The following DLG2 variants were observed in gnomAD, a reference collection of about 807,000 sequenced individuals.
DLG2 encodes the protein discs large MAGUK scaffold protein 2, also known as disks large homolog 2.
DLG2 carries 45 observed loss-of-function variants against 132.5 expected under a neutral mutation model. The observed-to-expected ratio is 0.34, with a 90% CI of 0.27 to 0.44. The LOEUF (loss-of-function observed/expected upper bound fraction) is 0.44. DLG2 is among the 20% of genes least tolerant of loss of function. The probability of loss-of-function intolerance (pLI) is 1.00; values close to 1 mark genes in which losing one functional copy is unlikely to be tolerated. For missense variants in DLG2, 1,045 were observed against 1,196.9 expected (o/e 0.87, Z 1.87); for synonymous variants, 424 against 419.6 (o/e 1.01, Z -0.13).
At chr11:83,518,965 A>AGAG (rs2095391987) in intron 21 of DLG2, among the ~76,000 whole-genome samples, 1 of 152,218 alleles carries the variant, frequency 6.6e-6, no homozygotes, top group African/African-American at 2.4e-5. Flanking sequence ...CAGTGCCAAG[A>AGAG]GAGTACAGCT....
At chr11:83,965,546 G>A in intron 12 of DLG2, 78 bp from the exon 13 acceptor site, 1 of 1,190,052 alleles carries the variant, frequency 8.4e-7, no homozygotes, top group South Asian at 1.5e-5. Context: ...AAGATACCTG[G>A]AATTATAAAT....
chr11:85,172,463 TC>T (rs1350826456), intron 4 of DLG2, among the ~76,000 whole-genome samples: 4 of 151,946 alleles, frequency 2.6e-5, no homozygotes, highest in Admixed American at 2.6e-4. Context: ...CATTCAAAGG[TC>T]AGCAACCTCA....
At chr11:83,714,149 C>A (rs1308306659) in intron 18 of DLG2, among the ~76,000 whole-genome samples, 1 of 151,036 alleles carries the variant, frequency 6.6e-6, no homozygotes, top group Admixed American at 6.7e-5. Context: ...ATAGAAACTA[C>A]AAATGTAACT....
At chr11:84,731,821 G>A (rs1293835252) in intron 6 of DLG2, among the ~76,000 whole-genome samples, 1 of 151,922 alleles carries the variant, frequency 6.6e-6, no homozygotes, top group Non-Finnish European at 1.5e-5. Context: ...ATTTAAATCT[G>A]GTAATTTTCA....
At chr11:84,839,993 A>G (rs776097589) in intron 6 of DLG2, among the ~76,000 whole-genome samples, 1 of 152,164 alleles carries the variant, frequency 6.6e-6, no homozygotes, top group Non-Finnish European at 1.5e-5. Flanking sequence ...GACAGATGAG[A>G]TCCAATTAAA....
At chr11:84,334,929 G>C (rs564648040) in intron 7 of DLG2, among the ~76,000 whole-genome samples, 4 of 151,930 alleles carry the variant, frequency 2.6e-5, no homozygotes, top group African/African-American at 7.2e-5. Flanking sequence ...AGATCAACTT[G>C]GCAAATAAAA....
chr11:85,087,377 TA>T (rs1273294280), intron 6 of DLG2, among the ~76,000 whole-genome samples: 8 of 152,134 alleles, frequency 5.3e-5, no homozygotes, highest in Non-Finnish European at 1.0e-4. Flanking sequence ...ATGTAAAGAC[TA>T]AAAGGTGCCA....
chr11:85,029,641 C>A (rs534874984), intron 6 of DLG2, among the ~76,000 whole-genome samples: 1 of 152,298 alleles, frequency 6.6e-6, no homozygotes, highest in African/African-American at 2.4e-5. Flanking sequence ...TAGCCTAAAG[C>A]TGCCTCCTTA....
intron 6 of DLG2, among the ~76,000 whole-genome samples, chr11:84,695,581 G>C (rs749762405): frequency 2.6e-5 from 4 of 151,538 alleles, no homozygotes; most frequent in Non-Finnish European, 4.4e-5. Flanking sequence ...AGCATGGAAT[G>C]AGATTTGAAC....
At chr11:85,028,619 C>T (rs2060746877) in intron 6 of DLG2, among the ~76,000 whole-genome samples, 1 of 152,214 alleles carries the variant, frequency 6.6e-6, no homozygotes, top group Non-Finnish European at 1.5e-5. Flanking sequence ...TAAGTGCATG[C>T]AGCTGGGTCG....
At chr11:84,356,693 T>G (rs2154417271) in intron 7 of DLG2, among the ~76,000 whole-genome samples, 1 of 152,214 alleles carries the variant, frequency 6.6e-6, no homozygotes, top group East Asian at 1.9e-4. Context: ...TGATGTTTTC[T>G]TATTCTAATT....
chr11:84,828,012 T>A (rs1432343991), intron 6 of DLG2, among the ~76,000 whole-genome samples: 2 of 151,868 alleles, frequency 1.3e-5, no homozygotes, highest in Non-Finnish European at 2.9e-5. Flanking sequence ...ATACATGCCT[T>A]AAATACGTCA....
At chr11:84,291,309 G>C (rs2097992962) in intron 7 of DLG2, among the ~76,000 whole-genome samples, 1 of 152,086 alleles carries the variant, frequency 6.6e-6, no homozygotes, top group African/African-American at 2.4e-5. Flanking sequence ...AGGTTAGGTA[G>C]ACAAAAAAGA....
chr11:84,257,465 C>G (rs1196541675), intron 7 of DLG2, among the ~76,000 whole-genome samples: 1 of 152,098 alleles, frequency 6.6e-6, no homozygotes, highest in Non-Finnish European at 1.5e-5. Flanking sequence ...ATAGCAAATA[C>G]TTTATGTGAA....
intron 18 of DLG2, among the ~76,000 whole-genome samples, chr11:83,723,522 T>C (rs11828285): frequency 6.6e-6 from 1 of 152,194 alleles, no homozygotes; most frequent in African/African-American, 2.4e-5. Context: ...GAGTATTAGT[T>C]TGTGCTGGGT....
At chr11:83,653,287 T>C (rs1355187161) in intron 18 of DLG2, among the ~76,000 whole-genome samples, 20 of 152,204 alleles carry the variant, frequency 1.3e-4, no homozygotes, top group Non-Finnish European at 2.9e-5. Context: ...GCAGTGAATC[T>C]CCCTTGCTGT....
intron 14 of DLG2, among the ~76,000 whole-genome samples, chr11:83,958,705 G>A (rs2087598456): frequency 6.6e-6 from 1 of 152,016 alleles, no homozygotes; most frequent in South Asian, 2.1e-4. Context: ...AGTAACTAGG[G>A]AAAACTTGGC....
intron 7 of DLG2, among the ~76,000 whole-genome samples, chr11:84,284,540 C>T (rs1022342141): frequency 3.3e-5 from 5 of 152,162 alleles, no homozygotes; most frequent in African/African-American, 1.2e-4. Flanking sequence ...AACAAGAGAC[C>T]TGAGAGAAGT....
intron 19 of DLG2, among the ~76,000 whole-genome samples, chr11:83,595,914 A>G (rs1452030066): frequency 6.6e-6 from 1 of 152,224 alleles, no homozygotes; most frequent in Admixed American, 6.5e-5. Flanking sequence ...ATTATAAGAC[A>G]ATATATCAAA....
Sources: allele counts gnomAD v4.1 joint callset (sites outside exome capture counted in the v4.1 genomes callset), GRCh38; gene constraint gnomAD v4.1.1; transcripts MANE v1.5; gene names NCBI Gene and HGNC (gene_info 2026-07-23, HGNC 2026-07-21).